Variants in MAP3K2 observed in about 807,000 individuals in gnomAD.
The protein encoded by MAP3K2 is MAP/ERK kinase kinase 2.
MAP3K2 carries 24 observed loss-of-function variants against 80.3 expected under a neutral mutation model. The observed-to-expected ratio is 0.30, with a 90% CI of 0.22 to 0.42. The LOEUF (loss-of-function observed/expected upper bound fraction) is 0.42, where lower values mean the gene tolerates loss of function less well. Ranked by LOEUF, MAP3K2 falls within the 10% of genes least tolerant of loss-of-function variation. The probability of loss-of-function intolerance (pLI) is 1.00; values close to 1 mark genes in which losing one functional copy is unlikely to be tolerated. For synonymous variants in MAP3K2, 244 were observed against 253.7 expected, an observed-to-expected ratio of 0.96 and a Z score of 0.36; for missense variants, 608 against 750.1, an observed-to-expected ratio of 0.81 and a Z score of 2.21.
At chr2:127,380,577 A>G in intron 1 of MAP3K2, among the ~76,000 whole-genome samples, 1 of 152,202 alleles carries the variant, frequency 6.6e-6, no homozygotes, top group East Asian at 1.9e-4. Context: ...CTATCCTCCT[A>G]TTAGTTGGGA....
intron 1 of MAP3K2, among the ~76,000 whole-genome samples, chr2:127,356,215 A>G (rs1326616833): frequency 1.3e-5 from 2 of 152,204 alleles, no homozygotes; most frequent in South Asian, 2.1e-4. Flanking sequence ...TGAATCACCA[A>G]TGTTCTTAAT....
intron 1 of MAP3K2, among the ~76,000 whole-genome samples, chr2:127,375,419 T>A (rs1337838488): frequency 1.4e-5 from 2 of 144,012 alleles, no homozygotes; most frequent in African/African-American, 5.1e-5. Context: ...TATTTATTTA[T>A]TTTTTTTTTG....
intron 6 of MAP3K2, 75 bp from the exon 7 acceptor site, chr2:127,330,083 T>C: frequency 7.4e-6 from 6 of 807,632 alleles, no homozygotes; most frequent in South Asian, 4.5e-5. Context: ...CCCTACCAAG[T>C]ACAAAACATT....
Position 127,361,141 on chromosome 2 carries a change from G to A in MAP3K2, c.-65-17947C>T, listed in dbSNP as rs200298274. Among the ~76,000 whole-genome samples, 493 of 151,818 alleles carry A rather than the reference G, an allele frequency of 3.2e-3. 3 individuals carry two copies. Among genetic ancestry groups the A allele is most frequent in the Middle Eastern group, 0.014 (4 of 294 alleles). On this transcript the variant is annotated intron_variant, in intron 1 of 16. Coordinates refer to ENST00000682094, the MANE Select transcript of MAP3K2 (RefSeq NM_001371910.2). ...ATCCTGGCTAACACAGTAAAACCCC[G>A]TCTCTACTAAAAATACAAAAAATTA...
intron 1 of MAP3K2, chr2:127,378,313 A>G (rs1157790015): frequency 4.9e-6 from 1 of 203,356 alleles, no homozygotes; most frequent in African/African-American, 2.4e-5. Flanking sequence ...TTACTCAGAG[A>G]TACTAGAAAG....
chr2:127,345,501 C>T (rs1686580849), intron 1 of MAP3K2, among the ~76,000 whole-genome samples: 1 of 152,216 alleles, frequency 6.6e-6, no homozygotes, highest in Non-Finnish European at 1.5e-5. Context: ...AAATACAAGA[C>T]TTGTACAACA....
intron 11 of MAP3K2, among the ~76,000 whole-genome samples, 183 bp downstream of exon 11, chr2:127,323,719 G>C (rs1573983799): frequency 6.6e-6 from 1 of 152,182 alleles, no homozygotes; most frequent in African/African-American, 2.4e-5. Context: ...TTTCTTTTAA[G>C]GGATAACCAA....
intron 2 of MAP3K2, 37 bp downstream of exon 2, chr2:127,343,089 T>C: frequency 6.5e-7 from 1 of 1,532,230 alleles, no homozygotes; most frequent in Non-Finnish European, 8.8e-7. Context: ...TTCTATCCTT[T>C]AATTATTGCT....
intron 1 of MAP3K2, among the ~76,000 whole-genome samples, chr2:127,351,922 G>A (rs72964361): frequency 0.089 from 13,501 of 151,494 alleles, 826 homozygotes; most frequent in African/African-American, 0.17. Context: ...TGTCACCCAG[G>A]CTAGAGCGCA....
At chr2:127,383,250 G>A (rs984869897) in intron 1 of MAP3K2, among the ~76,000 whole-genome samples, 3 of 152,154 alleles carry the variant, frequency 2.0e-5, no homozygotes, top group Admixed American at 1.3e-4. Context: ...GAGACTTGGA[G>A]GAGACAAATA....
At chr2:127,312,958 T>C (rs367879031) in intron 15 of MAP3K2, among the ~76,000 whole-genome samples, 3 of 148,790 alleles carry the variant, frequency 2.0e-5, no homozygotes, top group Non-Finnish European at 3.0e-5. Context: ...CAAGAGTGAA[T>C]CTCTCTTAAA....
chr2:127,349,824 A>G (rs1475701839), intron 1 of MAP3K2, among the ~76,000 whole-genome samples: 3 of 152,124 alleles, frequency 2.0e-5, no homozygotes, highest in Admixed American at 6.5e-5. Context: ...AGTTTTATTT[A>G]GTATATTCTC....
In MAP3K2 at chr2:127,323,690, A is replaced by G. The variant is rs1455724272; in HGVS notation, c.838+212T>C. Among the ~76,000 whole-genome samples the G allele has an allele frequency of 2.0e-5, 3 of 152,238 alleles. No homozygotes were observed. In the East Asian group the frequency reaches 5.8e-4, roughly 29 times the overall value. ...CCTGGGCAACAAAACCTTGTCTCTTAAAACAAAAAATTATTCATTTTCTTT... is the reference window on the plus strand; with the variant it reads ...CCTGGGCAACAAAACCTTGTCTCTTGAAACAAAAAATTATTCATTTTCTTT... On this transcript the variant is annotated intron_variant, in intron 11 of 16. Transcript: ENST00000682094.
At chr2:127,320,487 G>C (rs1352466928) in intron 12 of MAP3K2, among the ~76,000 whole-genome samples, 1 of 152,090 alleles carries the variant, frequency 6.6e-6, no homozygotes, top group East Asian at 1.9e-4. Flanking sequence ...ACAGAGGTAT[G>C]AGACAGTATC....
intron 6 of MAP3K2, 90 bp from the exon 7 acceptor site, chr2:127,330,098 A>G: frequency 1.3e-6 from 1 of 748,094 alleles, no homozygotes; most frequent in Non-Finnish European, 2.3e-6. Context: ...AACATTTTAT[A>G]TTGTTTGTGA....
At chr2:127,330,130 C>A in intron 6 of MAP3K2, 122 bp from the exon 7 acceptor site, 1 of 633,988 alleles carries the variant, frequency 1.6e-6, no homozygotes, top group South Asian at 2.1e-5. Context: ...ATCCTCTACT[C>A]TTTGAAATTT....
chr2:127,308,004 CACTT>C (rs879278904), intron 16 of MAP3K2, among the ~76,000 whole-genome samples, 200 bp from the exon 17 acceptor site: 3 of 152,134 alleles, frequency 2.0e-5, no homozygotes, highest in African/African-American at 7.2e-5. Context: ...TAATGACTAT[CACTT>C]AATTCAAACG....
intron 1 of MAP3K2, among the ~76,000 whole-genome samples, chr2:127,380,647 C>T (rs1035435417): frequency 5.3e-5 from 8 of 152,040 alleles, no homozygotes; most frequent in South Asian, 2.1e-4. Context: ...AACTCTTTAA[C>T]CTAAGAGTTA....
intron 1 of MAP3K2, among the ~76,000 whole-genome samples, chr2:127,384,801 C>T (rs1687315798): frequency 1.3e-5 from 2 of 152,014 alleles, no homozygotes; most frequent in Non-Finnish European, 1.5e-5. Context: ...TCACCACAAC[C>T]GGCTAACCTC....
Sources: gnomAD v4.1 joint callset for allele counts (sites outside exome capture counted in the v4.1 genomes callset) on GRCh38, gnomAD v4.1.1 for gene constraint, MANE v1.5 for transcripts, NCBI Gene and HGNC (gene_info 2026-07-23, HGNC 2026-07-21) for gene names.